The following PLCB4 variants were observed in gnomAD, a reference collection of about 807,000 sequenced individuals.
PLCB4 encodes the protein phospholipase C beta 4.
A neutral mutation model predicts 178.8 loss-of-function variants in PLCB4; 77 were observed. That is an observed-to-expected ratio of 0.43 (90% CI 0.36 to 0.52). The LOEUF (loss-of-function observed/expected upper bound fraction) is 0.52. PLCB4 is among the 20% of genes least tolerant of loss of function. The pLI is 0.00. For missense variants in PLCB4, 1,024 were observed against 1,453.4 expected, an observed-to-expected ratio of 0.70 and a Z score of 4.80; for synonymous variants, 496 against 490.8, an observed-to-expected ratio of 1.01 and a Z score of -0.14.
At chr20:9,213,324 T>C (rs1404050537) in intron 2 of PLCB4, among the ~76,000 whole-genome samples, 1 of 150,256 alleles carries the variant, frequency 6.7e-6, no homozygotes, top group Admixed American at 6.6e-5. Context: ...TTTGTACTTT[T>C]AGTAGAGACA....
At chr20:9,439,205 G>A (rs960201276) in intron 30 of PLCB4, among the ~76,000 whole-genome samples, 1 of 152,180 alleles carries the variant, frequency 6.6e-6, no homozygotes, top group Admixed American at 6.5e-5. Context: ...TAATCTCTGT[G>A]TCTTGCTTAT....
intron 19 of PLCB4, among the ~76,000 whole-genome samples, chr20:9,396,905 G>A (rs761666535): frequency 7.9e-5 from 12 of 152,160 alleles, no homozygotes; most frequent in African/African-American, 1.2e-4. Flanking sequence ...TTTTGTGGAG[G>A]GTCTTGCCTT....
chr20:9,098,741 A>ATGTG (rs35465129), intron 2 of PLCB4, among the ~76,000 whole-genome samples: 16,356 of 135,296 alleles, frequency 0.12, 1,085 homozygotes, highest in Middle Eastern at 0.2. Flanking sequence ...ATATACATAT[A>ATGTG]TGTGTGTGTG....
intron 28 of PLCB4, among the ~76,000 whole-genome samples, chr20:9,425,129 G>T (rs759194786): frequency 3.3e-5 from 5 of 152,094 alleles, no homozygotes; most frequent in African/African-American, 1.2e-4. Context: ...CCTGGAAAGG[G>T]ATGCTGTGAG....
chr20:9,296,559 G>A (rs909442456), intron 3 of PLCB4, among the ~76,000 whole-genome samples: 1 of 152,038 alleles, frequency 6.6e-6, no homozygotes, highest in African/African-American at 2.4e-5. Flanking sequence ...ACATGCACAC[G>A]TATGTTTATT....
At chr20:9,427,627 G>A (rs1602623460) in intron 28 of PLCB4, among the ~76,000 whole-genome samples, 1 of 152,332 alleles carries the variant, frequency 6.6e-6, no homozygotes, top group African/African-American at 2.4e-5. Context: ...GATGGCATTT[G>A]CCCATTGCAA....
At chr20:9,159,163 G>A (rs1568862195) in intron 2 of PLCB4, among the ~76,000 whole-genome samples, 1 of 152,090 alleles carries the variant, frequency 6.6e-6, no homozygotes, top group Non-Finnish European at 1.5e-5. Flanking sequence ...AGATGTATGG[G>A]TGATTTTTAT....
chr20:9,163,081 A>G (rs1297464055), intron 2 of PLCB4, among the ~76,000 whole-genome samples: 2 of 152,206 alleles, frequency 1.3e-5, no homozygotes, highest in Non-Finnish European at 2.9e-5. Context: ...AAGCTGGCTC[A>G]GCCACTGATT....
chr20:9,305,553 T>G, intron 3 of PLCB4, among the ~76,000 whole-genome samples: 1 of 152,272 alleles, frequency 6.6e-6, no homozygotes, highest in East Asian at 1.9e-4. Flanking sequence ...TTTTTTGGCA[T>G]AGTACAATAA....
intron 3 of PLCB4, among the ~76,000 whole-genome samples, chr20:9,225,331 C>A (rs888790245): frequency 6.6e-6 from 1 of 152,142 alleles, no homozygotes; most frequent in African/African-American, 2.4e-5. Context: ...TCATTTCCTA[C>A]TTAACAAATG....
At chr20:9,438,010 A>G (rs2041879185) in intron 30 of PLCB4, among the ~76,000 whole-genome samples, 1 of 152,138 alleles carries the variant, frequency 6.6e-6, no homozygotes, top group Non-Finnish European at 1.5e-5. Flanking sequence ...TTAATGAATG[A>G]TAGGGGCAAG....
chr20:9,475,555 G>A (rs1325446443), intron 38 of PLCB4, among the ~76,000 whole-genome samples: 1 of 152,170 alleles, frequency 6.6e-6, no homozygotes, highest in Non-Finnish European at 1.5e-5. Context: ...GAAAAGGCTT[G>A]AGACCTGATA....
intron 2 of PLCB4, among the ~76,000 whole-genome samples, chr20:9,147,431 CAT>C (rs1296531129): frequency 3.3e-5 from 5 of 152,080 alleles, no homozygotes; most frequent in Non-Finnish European, 7.4e-5. Context: ...AATAGAATAA[CAT>C]ATATGTATTT....
chr20:9,083,087 C>T (rs1297979040), intron 1 of PLCB4, among the ~76,000 whole-genome samples: 1 of 152,160 alleles, frequency 6.6e-6, no homozygotes, highest in Non-Finnish European at 1.5e-5. Flanking sequence ...TGGAAATGTT[C>T]TACTTAATAT....
intron 3 of PLCB4, among the ~76,000 whole-genome samples, chr20:9,280,949 C>CA (rs76377634): frequency 0.039 from 3,200 of 82,894 alleles, 46 homozygotes; most frequent in South Asian, 0.075. Flanking sequence ...ACATCTGCTA[C>CA]AAAAAAAAAA....
chr20:9,240,401 T>G (rs1216669213), intron 3 of PLCB4, among the ~76,000 whole-genome samples: 1 of 152,082 alleles, frequency 6.6e-6, no homozygotes, highest in Non-Finnish European at 1.5e-5. Context: ...GTTAAGTAGG[T>G]CTCATAATTT....
At chr20:9,192,820 A>G (rs548709205) in intron 2 of PLCB4, among the ~76,000 whole-genome samples, 3 of 151,986 alleles carry the variant, frequency 2.0e-5, no homozygotes, top group Admixed American at 1.3e-4. Context: ...AGAAAAAAAA[A>G]TGTCAAGACA....
chr20:9,464,976 C>T lies in PLCB4; in HGVS notation c.3249-3595C>T, dbSNP rs941801645. ...ATACCAAAGCCTGGCAGAGGCACAA[C>T]AAAAAAAGAGAATTTTAGACCAATA... On this transcript the variant is annotated intron_variant, in intron 35 of 39. Transcript: ENST00000378473. Among the ~76,000 whole-genome samples, 15 of 151,980 alleles carry T rather than the reference C, an allele frequency of 9.9e-5. 1 individual carries two copies. The highest frequency in any genetic ancestry group is 8.5e-4 in the Admixed American group (13 of 15,238).
chr20:9,199,330 C>A (rs1297829757), intron 2 of PLCB4, among the ~76,000 whole-genome samples: 1 of 152,176 alleles, frequency 6.6e-6, no homozygotes, highest in Non-Finnish European at 1.5e-5. Flanking sequence ...CTCCCCATCC[C>A]AACAGTGGTG....
Sources: allele counts gnomAD v4.1 joint callset (sites outside exome capture counted in the v4.1 genomes callset), GRCh38; gene constraint gnomAD v4.1.1; transcripts MANE v1.5; gene names NCBI Gene and HGNC (gene_info 2026-07-23, HGNC 2026-07-21).